The following FLRT1 variants were observed in gnomAD, a reference collection of about 807,000 sequenced individuals.
FLRT1 encodes fibronectin leucine rich transmembrane protein 1, also known as leucine-rich repeat transmembrane protein FLRT1.
A neutral mutation model predicts 30.9 loss-of-function variants in FLRT1; 14 were observed. That is an observed-to-expected ratio of 0.45 (90% CI 0.30 to 0.71). The LOEUF (loss-of-function observed/expected upper bound fraction) is 0.71. Ranked by LOEUF, FLRT1 falls within the 30% of genes least tolerant of loss-of-function variation. The probability of loss-of-function intolerance (pLI) is 0.08; values close to 1 mark genes in which losing one functional copy is unlikely to be tolerated. For missense variants in FLRT1, 737 were observed against 949.2 expected (o/e 0.78, Z 2.94); for synonymous variants, 368 against 430.4 (o/e 0.85, Z 1.80).
chr11:64,044,735 A>G (rs1174283494), intron 1 of FLRT1, among the ~76,000 whole-genome samples: 1 of 152,112 alleles, frequency 6.6e-6, no homozygotes, highest in Non-Finnish European at 1.5e-5. Context: ...GCCTGAGGTC[A>G]CCAGCACCTG....
At position 64,090,577 on chromosome 11, in the gene FLRT1, G is replaced by A. The variant is rs1944471822; in HGVS notation, c.-1037-12617G>A. Reference sequence around the variant, plus strand: ...GCTGGGCCAGGAGGCTCCGGGATGAGGCAGGAAGTGGAGGCTGTGGCCAGC... The same window carrying A: ...GCTGGGCCAGGAGGCTCCGGGATGAAGCAGGAAGTGGAGGCTGTGGCCAGC... On this transcript the variant is annotated intron_variant, in intron 1 of 2. Transcript: ENST00000682287. This position sits in a 1 kb window ranked among gnomAD's most constrained non-coding sequence, Gnocchi z 4.7. Among the ~76,000 whole-genome samples, 2 of 152,208 alleles carry A rather than the reference G, an allele frequency of 1.3e-5. No homozygotes were observed. Among genetic ancestry groups the A allele is most frequent in the African/African-American group, 4.8e-5 (2 of 41,462 alleles).
At chr11:64,077,966 GCCTCCTTTCCCCTGCCT>G (rs970403133) in intron 1 of FLRT1, among the ~76,000 whole-genome samples, 76 of 150,398 alleles carry the variant, frequency 5.1e-4, no homozygotes, top group African/African-American at 1.8e-3. Flanking sequence ...GCTCAGCCTG[GCCTCCTTTCCCCTGCCT>G]CCTCCTCAGC....
intron 1 of FLRT1, among the ~76,000 whole-genome samples, chr11:64,092,864 A>T (rs1944513650): frequency 6.6e-6 from 1 of 152,260 alleles, no homozygotes; most frequent in Non-Finnish European, 1.5e-5. Flanking sequence ...AGACAAAGTC[A>T]ATGGGTAACC....
chr11:64,062,787 C>T (rs1350383916), intron 1 of FLRT1, among the ~76,000 whole-genome samples: 1 of 152,100 alleles, frequency 6.6e-6, no homozygotes, highest in Non-Finnish European at 1.5e-5. Flanking sequence ...GTCTGGGGTG[C>T]CTGGCTTTAT....
chr11:64,114,108 A>G (rs1944921667), intron 2 of FLRT1, among the ~76,000 whole-genome samples: 1 of 151,016 alleles, frequency 6.6e-6, no homozygotes. Context: ...AGGTGGATGC[A>G]TGGATGGATG....
intron 2 of FLRT1, among the ~76,000 whole-genome samples, chr11:64,110,320 C>T (rs1944838597): frequency 6.6e-6 from 1 of 151,876 alleles, no homozygotes; most frequent in African/African-American, 2.4e-5. Flanking sequence ...TGTGGTGGTG[C>T]AGCATGTGGT....
At chr11:64,056,779 C>T (rs947843) in intron 1 of FLRT1, among the ~76,000 whole-genome samples, 21,845 of 152,164 alleles carry the variant, frequency 0.14, 1,940 homozygotes, top group Non-Finnish European at 0.2. Flanking sequence ...GTAGTGCGAA[C>T]CCTGGGCTGA....
intron 1 of FLRT1, among the ~76,000 whole-genome samples, chr11:64,077,061 G>A (rs1174772117): frequency 6.6e-6 from 1 of 152,058 alleles, no homozygotes; most frequent in Non-Finnish European, 1.5e-5. Context: ...CAGGGTAGGG[G>A]GGTCCACAGA....
At chr11:64,076,342 TG>T (rs1444343077) in intron 1 of FLRT1, among the ~76,000 whole-genome samples, 5 of 152,198 alleles carry the variant, frequency 3.3e-5, no homozygotes, top group Admixed American at 6.5e-5. Context: ...GGGACAGGTC[TG>T]GAGTCTCCCT....
intron 2 of FLRT1, among the ~76,000 whole-genome samples, chr11:64,112,105 TCA>T (rs1306752340): frequency 6.6e-6 from 1 of 152,220 alleles, no homozygotes; most frequent in Non-Finnish European, 1.5e-5. Context: ...AACGAGTCCA[TCA>T]CAGTTTCTCC....
intron 2 of FLRT1, among the ~76,000 whole-genome samples, chr11:64,110,821 ACAAGGGAATAAAAAGG>A (rs1482941059): frequency 6.6e-6 from 1 of 152,166 alleles, no homozygotes; most frequent in Non-Finnish European, 1.5e-5. Context: ...GAAACACACA[ACAAGGGAATAAAAAGG>A]CAAGCAGGCA....
intron 1 of FLRT1, among the ~76,000 whole-genome samples, chr11:64,095,751 C>T (rs1944564429): frequency 6.6e-6 from 1 of 152,224 alleles, no homozygotes; most frequent in African/African-American, 2.4e-5. Flanking sequence ...ACACTGGACC[C>T]CCAGCACTAG....
Position 64,119,062 on chromosome 11 carries a change from T to C in FLRT1, c.*770T>C, listed in dbSNP as rs1396862999. The C allele has an allele frequency of 6.0e-6, 1 of 167,300 alleles. No homozygotes were observed. The highest frequency in any genetic ancestry group is 1.9e-4 in the East Asian group (1 of 5,348). 10.4% of individuals were successfully genotyped at this position (167,300 alleles called of 1,614,324 possible). Reference sequence around the variant, plus strand: ...GTGCATCTGTCTGCCTGTCTATCCCTGTCGCGGTGTCTCTAAGTACAGATG... The same window carrying C: ...GTGCATCTGTCTGCCTGTCTATCCCCGTCGCGGTGTCTCTAAGTACAGATG... On this transcript the variant is annotated 3_prime_UTR_variant, in exon 3 of 3. Transcript: ENST00000682287.
At chr11:64,083,994 C>T (rs1184032729) in intron 1 of FLRT1, among the ~76,000 whole-genome samples, 1 of 68,674 alleles carries the variant, frequency 1.5e-5, no homozygotes, top group Non-Finnish European at 3.6e-5. Flanking sequence ...AACTGGAACA[C>T]GTGCTGGGTT....
At position 64,108,602 on chromosome 11, in the gene FLRT1, G is replaced by C. The variant is rs143233601; in HGVS notation, c.-50+4421G>C. On this transcript the variant is annotated intron_variant, in intron 2 of 2. Coordinates refer to ENST00000682287, the MANE Select transcript of FLRT1 (RefSeq NM_013280.5). ...GAAGCCCCATCACAGAGCTGGAGAT[G>C]ATTGTGCCTTGGTAGGGCTTCCTGT... Among the ~76,000 whole-genome samples the C allele has an allele frequency of 2.1e-3, 313 of 152,366 alleles. 2 individuals are homozygous for C. Among genetic ancestry groups the C allele is most frequent in the African/African-American group, 7.1e-3 (296 of 41,580 alleles).
At chr11:64,108,282 C>T (rs961938066) in intron 2 of FLRT1, among the ~76,000 whole-genome samples, 34 of 150,610 alleles carry the variant, frequency 2.3e-4, no homozygotes, top group African/African-American at 8.3e-4. Flanking sequence ...CATTGCACTC[C>T]AGCCTGGGCA....
At position 64,090,050 on chromosome 11, in the gene FLRT1, C is replaced by A. The variant is rs1185363685; in HGVS notation, c.-1037-13144C>A. Among the ~76,000 whole-genome samples, 1 of 152,192 alleles carries A rather than the reference C, an allele frequency of 6.6e-6. No individual in the cohort carries two copies. Among genetic ancestry groups the A allele is most frequent in the Non-Finnish European group, 1.5e-5 (1 of 68,032 alleles). On this transcript the variant is annotated intron_variant, in intron 1 of 2. Coordinates refer to ENST00000682287, the MANE Select transcript of FLRT1 (RefSeq NM_013280.5). This position sits in a 1 kb window ranked among gnomAD's most constrained non-coding sequence, Gnocchi z 4.7. Reference sequence around the variant, plus strand: ...CAAAAGGGAAACACAAAGCCTGTGACTGGACTCAACAGCTGTGTCATCCTG... The same window carrying A: ...CAAAAGGGAAACACAAAGCCTGTGAATGGACTCAACAGCTGTGTCATCCTG...
At chr11:64,049,839 C>A (rs1330830729) in intron 1 of FLRT1, among the ~76,000 whole-genome samples, 2 of 152,182 alleles carry the variant, frequency 1.3e-5, no homozygotes, top group Non-Finnish European at 2.9e-5. Flanking sequence ...AGGGCTGGGG[C>A]CTGGCTGAGC....
At chr11:64,045,563 G>A (rs1943569354) in intron 1 of FLRT1, among the ~76,000 whole-genome samples, 1 of 152,156 alleles carries the variant, frequency 6.6e-6, no homozygotes, top group Non-Finnish European at 1.5e-5. Flanking sequence ...AATTTGGTAG[G>A]TAGGGGGTGA....
Sources: gnomAD v4.1 joint callset for allele counts (sites outside exome capture counted in the v4.1 genomes callset) on GRCh38, gnomAD v4.1.1 for gene constraint, Gnocchi (gnomAD v3.1) non-coding constraint, MANE v1.5 for transcripts, NCBI Gene and HGNC (gene_info 2026-07-23, HGNC 2026-07-21) for gene names.